The following DBX1 variants were observed in gnomAD, a reference collection of about 807,000 sequenced individuals.
The protein encoded by DBX1 is homeobox protein DBX1.
A neutral mutation model predicts 20.8 loss-of-function variants in DBX1; 10 were observed. That is an observed-to-expected ratio of 0.48 (90% CI 0.30 to 0.82). The LOEUF (loss-of-function observed/expected upper bound fraction) is 0.82, where lower values mean the gene tolerates loss of function less well. Ranked by LOEUF, DBX1 falls within the 40% of genes least tolerant of loss-of-function variation. The probability of loss-of-function intolerance (pLI) is 0.07; values close to 1 mark genes in which losing one functional copy is unlikely to be tolerated. For missense variants in DBX1, 505 were observed against 468.8 expected (o/e 1.08, Z -0.71); for synonymous variants, 241 against 213.9 (o/e 1.13, Z -1.11).
chr11:20,158,253 G>T (rs2063670493), intron 2 of DBX1, among the ~76,000 whole-genome samples: 1 of 110,926 alleles, frequency 9.0e-6, no homozygotes, highest in Admixed American at 1.1e-4. Context: ...TGGGGGGTGG[G>T]GGGAGGGCGA....
intron 2 of DBX1, among the ~76,000 whole-genome samples, chr11:20,157,990 A>T (rs1011476576): frequency 6.6e-6 from 1 of 152,210 alleles, no homozygotes; most frequent in Non-Finnish European, 1.5e-5. Context: ...AGCGAAAGCC[A>T]TATATTACTG....
intron 1 of DBX1, among the ~76,000 whole-genome samples, chr11:20,159,672 A>T (rs1415746260): frequency 1.3e-5 from 2 of 152,028 alleles, no homozygotes; most frequent in Admixed American, 1.3e-4. Flanking sequence ...AGAAACGCAG[A>T]CGTCCAGGAG....
rs1339888635 is a variant in DBX1, at chr11:20,156,754, T to G, written c.673-181A>C. 1 of 1,049,232 alleles carries G rather than the reference T, an allele frequency of 9.5e-7. No homozygotes were observed. Among genetic ancestry groups the G allele is most frequent in the Non-Finnish European group, 1.4e-6 (1 of 692,316 alleles). 65.0% of individuals were successfully genotyped at this position (1,049,232 alleles called of 1,614,324 possible). A position where few individuals can be genotyped will look rare whatever the true frequency, so the allele number is the denominator to read the frequency against. ...GCATTGACTCCGCCCCCGCCTCAGC[T>G]CGCGGTTCCGTTTGCCTCATCCGCT... On this transcript the variant is annotated intron_variant, in intron 3 of 3. Coordinates refer to ENST00000524983, the MANE Select transcript of DBX1 (RefSeq NM_001029865.4). The surrounding 1 kb of genome is among the most constrained non-coding windows in gnomAD (Gnocchi z 4.8).
Position 20,156,280 on chromosome 11 carries a change from A to G in DBX1, c.966T>C (p.Pro322=), listed in dbSNP as rs769962379. ...CCTCCTCGGAATCTGAGAAGTCCGAAGGTTTCCCGGGACTGCTCGAGTGCG... is the reference window on the plus strand; with the variant it reads ...CCTCCTCGGAATCTGAGAAGTCCGAGGGTTTCCCGGGACTGCTCGAGTGCG... ...SPAHSSSPGK[P]SDFSDSEEEE... Residue 322 remains proline (P), a synonymous_variant, in exon 4 of 4, where the codon CCT becomes CCC. Coordinates refer to ENST00000524983, the MANE Select transcript of DBX1 (RefSeq NM_001029865.4). This position sits in a 1 kb window ranked among gnomAD's most constrained non-coding sequence, Gnocchi z 4.8. 4 of 1,529,782 alleles carry G rather than the reference A, an allele frequency of 2.6e-6. No individual in the cohort carries two copies. In the Admixed American group the frequency reaches 6.5e-5, roughly 25 times the overall value. 94.8% of individuals were successfully genotyped at this position (1,529,782 alleles called of 1,614,324 possible).
chr11:20,159,053 A>G, intron 2 of DBX1, 138 bp downstream of exon 2: 2 of 639,020 alleles, frequency 3.1e-6, no homozygotes, highest in East Asian at 5.3e-5. Flanking sequence ...GGATTCATGA[A>G]TGTTATACGC....
Position 20,157,217 on chromosome 11 carries a change from G to T in DBX1, c.492C>A (p.Ile164=). ...CCAGCGGCCAGGAGAAGGTCCCGGGGATGGGCACCACGCTGGAGGAAGCTG... is the reference window on the plus strand; with the variant it reads ...CCAGCGGCCAGGAGAAGGTCCCGGGTATGGGCACCACGCTGGAGGAAGCTG... ...YFPASSSVVP[I]PGTFSWPLAA... The change falls in exon 3 of 4, where the codon ATC becomes ATA. Residue 164 remains isoleucine, a synonymous_variant. Coordinates refer to ENST00000524983, the MANE Select transcript of DBX1 (RefSeq NM_001029865.4). The T allele has an allele frequency of 6.3e-7, 1 of 1,583,470 alleles. No homozygotes were observed.
In DBX1 at chr11:20,160,130, C is replaced by A; in HGVS notation, c.195G>T (p.Pro65=). 1 of 1,548,316 alleles carries A rather than the reference C, an allele frequency of 6.5e-7. No homozygotes were observed. Among genetic ancestry groups the A allele is most frequent in the South Asian group, 1.2e-5 (1 of 83,950 alleles). ...GGGCCGTGGGGGCCCCCTGCCTGGG[C>A]GGCGACATGCTGGCGGTGGGCACGC... is the stretch of plus-strand genomic sequence containing the variant. ...PRSVPTASMS[P]PRQGAPTALT... Residue 65 remains proline (P), a synonymous_variant, in exon 1 of 4, where the codon CCG becomes CCT. Transcript: ENST00000524983.
intron 1 of DBX1, 86 bp downstream of exon 1, chr11:20,159,872 C>A: frequency 6.3e-7 from 1 of 1,587,616 alleles, no homozygotes; most frequent in East Asian, 2.2e-5. Context: ...TGTGTGGGGG[C>A]CCGCTCGCTA....
intron 1 of DBX1, among the ~76,000 whole-genome samples, chr11:20,159,712 C>T (rs562442854): frequency 3.9e-5 from 6 of 152,272 alleles, no homozygotes; most frequent in African/African-American, 1.4e-4. Context: ...CACCAGATGA[C>T]TGCGCACAGT....
Position 20,156,502 on chromosome 11 carries a change from CCCG to C in DBX1, c.741_743del (p.Ser247_Gly248delinsArg). 4.3e-6 allele frequency: 7 copies of C among 1,613,960 alleles called. No homozygotes were observed. Among genetic ancestry groups the C allele is most frequent in the Non-Finnish European group, 5.9e-6 (7 of 1,180,022 alleles). On this transcript the variant is annotated inframe_deletion, in exon 4 of 4. Transcript: ENST00000524983. This position sits in a 1 kb window ranked among gnomAD's most constrained non-coding sequence, Gnocchi z 4.8. The stretch of plus-strand genomic sequence containing the variant: ...TGGGCAGGGTCTGCTCGCGACAGCC[CCCG>C]CTAGACAGGAGTTCGCGCTCCTTGG...
At position 20,160,069 on chromosome 11, in the gene DBX1, C is replaced by A; in HGVS notation, c.256G>T (p.Gly86Cys). 1 of 1,573,926 alleles carries A rather than the reference C, an allele frequency of 6.4e-7. No homozygotes were observed. The highest frequency in any genetic ancestry group is 8.6e-7 in the Non-Finnish European group (1 of 1,159,660). ...GAGCCGCCCCGTCGGCTGCCGGGAC[C>A]CGGGGAGCCCAGGTCCGAGGCCCCC... is the stretch of plus-strand genomic sequence containing the variant. ...DTGASDLGSP[G>C]PGSRRGGSPP... is the part of the protein sequence containing the mutation. Residue 86 changes from glycine (G) to cysteine (C), a missense_variant, in exon 1 of 4, where the codon GGT (glycine) becomes TGT (cysteine). Transcript: ENST00000524983.
At position 20,156,499 on chromosome 11, in the gene DBX1, G is replaced by A. The variant is rs953704332; in HGVS notation, c.747C>T (p.Gly249=). ...TGGTGGGCAGGGTCTGCTCGCGACAGCCCCCGCTAGACAGGAGTTCGCGCT... is the reference window on the plus strand; with the variant it reads ...TGGTGGGCAGGGTCTGCTCGCGACAACCCCCGCTAGACAGGAGTTCGCGCT... ...SKERELLSSG[G]CREQTLPTKL... The change falls in exon 4 of 4, where the codon GGC becomes GGT. Residue 249 remains glycine, a synonymous_variant. Transcript: ENST00000524983. This position sits in a 1 kb window ranked among gnomAD's most constrained non-coding sequence, Gnocchi z 4.8. 2 of 1,613,946 alleles carry A rather than the reference G, an allele frequency of 1.2e-6. No homozygotes were observed. The highest frequency in any genetic ancestry group is 2.2e-5 in the East Asian group (1 of 44,880).
chr11:20,156,642 G>A lies in DBX1; in HGVS notation c.673-69C>T, dbSNP rs773408586. The A allele has an allele frequency of 1.9e-6, 3 of 1,609,844 alleles. No individual in the cohort carries two copies. Among genetic ancestry groups the A allele is most frequent in the Non-Finnish European group, 2.5e-6 (3 of 1,177,224 alleles). On this transcript the variant is annotated intron_variant, in intron 3 of 3. Coordinates refer to ENST00000524983, the MANE Select transcript of DBX1 (RefSeq NM_001029865.4). The surrounding 1 kb of genome is among the most constrained non-coding windows in gnomAD (Gnocchi z 4.8). Reference sequence around the variant, plus strand: ...AGATCAGGGGCTCCGGGGGACGCACGGGGGCGGGGAGTGGAGTCGGGTGCA... The same window carrying A: ...AGATCAGGGGCTCCGGGGGACGCACAGGGGCGGGGAGTGGAGTCGGGTGCA...
chr11:20,156,344 C>G lies in DBX1; in HGVS notation c.902G>C (p.Arg301Pro), dbSNP rs756482693. The change falls in exon 4 of 4, where the codon CGG becomes CCG. Residue 301 changes from arginine (R) to proline (P), a missense_variant. Physicochemically the swap from Arg to Pro is moderately radical, Grantham distance 103. Coordinates refer to ENST00000524983, the MANE Select transcript of DBX1 (RefSeq NM_001029865.4). This position sits in a 1 kb window ranked among gnomAD's most constrained non-coding sequence, Gnocchi z 4.8. Reference protein sequence around the residue: ...YHASSDPQHLRDPRLPGPLPP... With the variant: ...YHASSDPQHLPDPRLPGPLPP... ...CAGCGGCCCTGGCAGCCGCGGGTCC[C>G]GCAGGTGCTGGGGGTCGGAGGACGC... 6.3e-7 allele frequency: 1 copy of G among 1,594,444 alleles called. No homozygotes were observed. Among genetic ancestry groups the G allele is most frequent in the Non-Finnish European group, 8.6e-7 (1 of 1,168,462 alleles).
At position 20,157,282 on chromosome 11, in the gene DBX1, C is replaced by T. The variant is rs773315991; in HGVS notation, c.470-43G>A. ...GTGGCGAGTGAGTGGGCGTACGCCC[C>T]CCAGTCCCAACACGGCTCTCCCTGG... On this transcript the variant is annotated intron_variant, in intron 2 of 3. Transcript: ENST00000524983. 2.8e-4 allele frequency: 418 copies of T among 1,507,446 alleles called. 2 individuals are homozygous for T. The highest frequency in any genetic ancestry group is 2.3e-3 in the Middle Eastern group (10 of 4,354). The allele number at this position is 1,507,446 out of a possible 1,614,324, so 93.4% of individuals were successfully genotyped here.
intron 2 of DBX1, 84 bp from the exon 3 acceptor site, chr11:20,157,323 C>T (rs2153737823): frequency 7.8e-7 from 1 of 1,280,462 alleles, no homozygotes; most frequent in Non-Finnish European, 1.1e-6. Context: ...TGCTCTGATC[C>T]CTTCATCTCT....
intron 2 of DBX1, among the ~76,000 whole-genome samples, chr11:20,158,906 C>T (rs1471524528): frequency 6.6e-6 from 1 of 152,044 alleles, no homozygotes; most frequent in Non-Finnish European, 1.5e-5. Context: ...TGAAGGGATG[C>T]CAACAGCTCC....
chr11:20,159,381 C>T, intron 1 of DBX1, 89 bp from the exon 2 acceptor site: 2 of 832,582 alleles, frequency 2.4e-6, no homozygotes. Flanking sequence ...ACACTGAACA[C>T]ACGATATAAT....
chr11:20,157,169 C>T lies in DBX1; in HGVS notation c.540G>A (p.Arg180=), dbSNP rs763073718. Reference sequence around the variant, plus strand: ...AGAAGACTGCTCGACGCAGCATGCCCCGCCGAGGCTTCCCGCGCGCGGCCA... The same window carrying T: ...AGAAGACTGCTCGACGCAGCATGCCTCGCCGAGGCTTCCCGCGCGCGGCCA... The part of the protein sequence containing the change: ...WPLAARGKPR[R]GMLRRAVFSD... Residue 180 remains arginine, a synonymous_variant, in exon 3 of 4, where the codon CGG becomes CGA. Coordinates refer to ENST00000524983, the MANE Select transcript of DBX1 (RefSeq NM_001029865.4). 2 of 1,609,418 alleles carry T rather than the reference C, an allele frequency of 1.2e-6. No individual in the cohort carries two copies. The highest frequency in any genetic ancestry group is 1.1e-5 in the South Asian group (1 of 90,452).
Sources: allele counts gnomAD v4.1 joint callset (sites outside exome capture counted in the v4.1 genomes callset), GRCh38; gene constraint gnomAD v4.1.1; non-coding constraint Gnocchi (gnomAD v3.1); transcripts MANE v1.5; gene names NCBI Gene and HGNC (gene_info 2026-07-23, HGNC 2026-07-21).